The following PTPRG variants were observed in gnomAD, a reference collection of about 807,000 sequenced individuals.
The protein encoded by PTPRG is protein tyrosine phosphatase receptor type G.
A neutral mutation model predicts 165.3 loss-of-function variants in PTPRG; 102 were observed. The observed-to-expected ratio is 0.62, with a 90% CI of 0.53 to 0.73. PTPRG has a LOEUF of 0.73. PTPRG is among the 30% of genes least tolerant of loss of function. The pLI, the probability that PTPRG is intolerant of heterozygous loss-of-function variation, is 0.00. For missense variants in PTPRG, 1,866 were observed against 1,861.4 expected, an observed-to-expected ratio of 1.00 and a Z score of -0.05; for synonymous variants, 675 against 669.5, an observed-to-expected ratio of 1.01 and a Z score of -0.13.
At chr3:61,564,367 A>G (rs568325495) in intron 1 of PTPRG, among the ~76,000 whole-genome samples, 1 of 152,296 alleles carries the variant, frequency 6.6e-6, no homozygotes, top group African/African-American at 2.4e-5. Context: ...TCGGGGATGC[A>G]GTCAGTGGGC....
rs190586411 is a variant in PTPRG at position 62,104,483 on chromosome 3, C to G, written c.615+26225C>G. On this transcript the variant is annotated intron_variant, in intron 5 of 29. Coordinates refer to ENST00000474889, the MANE Select transcript of PTPRG (RefSeq NM_002841.4). ...CTTGTTATCTGAAAATTGTCTTTCT[C>G]TGGATAATTATCTTGACTTTATTTA... Among the ~76,000 whole-genome samples the G allele has an allele frequency of 2.0e-5, 3 of 152,306 alleles. No individual in the cohort carries two copies. The East Asian group carries it at 5.8e-4, about 29-fold the overall frequency.
At chr3:61,779,300 T>C (rs939353611) in intron 2 of PTPRG, among the ~76,000 whole-genome samples, 4 of 152,122 alleles carry the variant, frequency 2.6e-5, no homozygotes, top group East Asian at 3.9e-4. Context: ...GTGGAAGATA[T>C]AATGCTATAC....
At chr3:61,924,682 C>T (rs898747990) in intron 2 of PTPRG, among the ~76,000 whole-genome samples, 2 of 152,194 alleles carry the variant, frequency 1.3e-5, no homozygotes, top group Non-Finnish European at 1.5e-5. Context: ...ATTTAATCCT[C>T]TGGTCCAGGG....
At chr3:62,176,867 A>G (rs1388377275) in intron 8 of PTPRG, among the ~76,000 whole-genome samples, 1 of 152,174 alleles carries the variant, frequency 6.6e-6, no homozygotes, top group East Asian at 1.9e-4. Context: ...TAGAATACAG[A>G]CTTGGGATTC....
intron 7 of PTPRG, among the ~76,000 whole-genome samples, chr3:62,159,889 G>A (rs555600511): frequency 6.6e-6 from 1 of 152,328 alleles, no homozygotes; most frequent in South Asian, 2.1e-4. Context: ...GGAGGTCACA[G>A]CTGTGTCAGC....
intron 2 of PTPRG, among the ~76,000 whole-genome samples, chr3:61,943,369 A>T (rs1301876902): frequency 6.6e-6 from 1 of 152,152 alleles, no homozygotes; most frequent in African/African-American, 2.4e-5. Flanking sequence ...CAGGTGGATC[A>T]CCTGAGGTCA....
chr3:61,902,813 C>G (rs193217226), intron 2 of PTPRG, among the ~76,000 whole-genome samples: 5 of 152,164 alleles, frequency 3.3e-5, no homozygotes, highest in African/African-American at 1.2e-4. Context: ...TTTTGTGTAT[C>G]TGGCATATAT....
In PTPRG at chr3:62,150,159, C is replaced by T. The variant is rs117584386; in HGVS notation, c.683-6908C>T. 5.3e-5 allele frequency among the ~76,000 whole-genome samples: 8 copies of T among 152,296 alleles called. No homozygotes were observed. In the East Asian group the frequency reaches 1.5e-3, roughly 29 times the overall value. ...GGTGATTCAAATATGACTAAGTTTG[C>T]TAACAGCTGCAGAACATTTGGTCCC... On this transcript the variant is annotated intron_variant, in intron 6 of 29. Coordinates refer to ENST00000474889, the MANE Select transcript of PTPRG (RefSeq NM_002841.4).
intron 5 of PTPRG, among the ~76,000 whole-genome samples, chr3:62,130,081 T>C (rs1003865598): frequency 6.6e-6 from 1 of 152,160 alleles, no homozygotes; most frequent in Admixed American, 6.5e-5. Context: ...GTTTTATGGG[T>C]CAGTAGGTTG....
intron 2 of PTPRG, among the ~76,000 whole-genome samples, chr3:61,796,482 A>T (rs2035047127): frequency 6.6e-6 from 1 of 152,228 alleles, no homozygotes; most frequent in Non-Finnish European, 1.5e-5. Context: ...AGTGGGCAGA[A>T]CTTGGTTCCT....
At chr3:61,786,915 T>C (rs2034721711) in intron 2 of PTPRG, among the ~76,000 whole-genome samples, 2 of 152,218 alleles carry the variant, frequency 1.3e-5, no homozygotes, top group African/African-American at 4.8e-5. Context: ...TTTTGAATTC[T>C]TTCTTAATTA....
chr3:61,800,715 C>T (rs1272024682), intron 2 of PTPRG, among the ~76,000 whole-genome samples: 3 of 151,424 alleles, frequency 2.0e-5, no homozygotes, highest in Non-Finnish European at 4.4e-5. Flanking sequence ...ATGATCTCGG[C>T]TTACTGCAAC....
At chr3:61,763,775 C>T (rs1218106530) in intron 2 of PTPRG, among the ~76,000 whole-genome samples, 1 of 152,092 alleles carries the variant, frequency 6.6e-6, no homozygotes, top group Non-Finnish European at 1.5e-5. Flanking sequence ...ATTTCAAAAG[C>T]CTGACATCAC....
At chr3:61,772,711 G>A (rs1258004986) in intron 2 of PTPRG, among the ~76,000 whole-genome samples, 2 of 152,010 alleles carry the variant, frequency 1.3e-5, no homozygotes, top group Non-Finnish European at 2.9e-5. Context: ...TAGACCATAT[G>A]TTATTCAAAC....
chr3:61,930,371 G>A (rs1049973309), intron 2 of PTPRG, among the ~76,000 whole-genome samples: 1 of 152,174 alleles, frequency 6.6e-6, no homozygotes, highest in Admixed American at 6.5e-5. Flanking sequence ...AATTCCACGT[G>A]GAAGAATGTC....
intron 3 of PTPRG, among the ~76,000 whole-genome samples, chr3:62,001,391 G>C (rs1354570889): frequency 6.6e-6 from 1 of 152,186 alleles, no homozygotes; most frequent in African/African-American, 2.4e-5. Flanking sequence ...AGATGCTGCT[G>C]ATTCCCTGGG....
At chr3:62,231,441 G>A in intron 14 of PTPRG, 130 bp downstream of exon 14, 1 of 569,324 alleles carries the variant, frequency 1.8e-6, no homozygotes, top group Non-Finnish European at 2.7e-6. Context: ...TGCTTTACCT[G>A]AATTCCCAAA....
intron 5 of PTPRG, among the ~76,000 whole-genome samples, chr3:62,078,604 T>G (rs1701470243): frequency 6.6e-6 from 1 of 152,154 alleles, no homozygotes; most frequent in Non-Finnish European, 1.5e-5. Context: ...TTGAGCAACT[T>G]TAAAATTTGA....
At chr3:61,839,605 C>A (rs1319446723) in intron 2 of PTPRG, among the ~76,000 whole-genome samples, 1 of 151,992 alleles carries the variant, frequency 6.6e-6, no homozygotes, top group African/African-American at 2.4e-5. Context: ...ACCTATATAG[C>A]AACAGTACTT....
Sources: gnomAD v4.1 joint callset for allele counts (sites outside exome capture counted in the v4.1 genomes callset) on GRCh38, gnomAD v4.1.1 for gene constraint, MANE v1.5 for transcripts, NCBI Gene and HGNC (gene_info 2026-07-23, HGNC 2026-07-21) for gene names.